PRKCI: variants seen among roughly 807,000 people sequenced by gnomAD.
PRKCI encodes protein kinase C iota.
PRKCI carries 43 observed loss-of-function variants against 84.0 expected under a neutral mutation model. The observed-to-expected ratio is 0.51, with a 90% CI of 0.40 to 0.66. The LOEUF is 0.66. Ranked by LOEUF, PRKCI falls within the 30% of genes least tolerant of loss-of-function variation. The pLI is 0.00. For synonymous variants in PRKCI, 216 were observed against 234.4 expected, an observed-to-expected ratio of 0.92 and a Z score of 0.72; for missense variants, 459 against 745.6, an observed-to-expected ratio of 0.62 and a Z score of 4.48.
chr3:170,231,504 GC>G, intron 1 of PRKCI, among the ~76,000 whole-genome samples: 1 of 150,032 alleles, frequency 6.7e-6, no homozygotes, highest in Non-Finnish European at 1.5e-5. Context: ...TCACTCTGTC[GC>G]CCAGGCTGGA....
chr3:170,303,208 AC>A lies in PRKCI; in HGVS notation c.*83del. 9.6e-7 allele frequency: 1 copy of A among 1,046,052 alleles called. No homozygotes were observed. Among genetic ancestry groups the A allele is most frequent in the Non-Finnish European group, 1.4e-6 (1 of 722,060 alleles). The allele number at this position is 1,046,052 out of a possible 1,614,324, so 64.8% of individuals were successfully genotyped here. On this transcript the variant is annotated 3_prime_UTR_variant, in exon 18 of 18. Coordinates refer to ENST00000295797, the MANE Select transcript of PRKCI (RefSeq NM_002740.6). ...CTTGCTGCAAGCCTGGATACAATTAACCATTTTATATTTGCCACCTACAAAA... is the reference window on the plus strand; with the variant it reads ...CTTGCTGCAAGCCTGGATACAATTAACATTTTATATTTGCCACCTACAAAA...
chr3:170,227,931 G>T (rs900692356), intron 1 of PRKCI, among the ~76,000 whole-genome samples: 1 of 152,124 alleles, frequency 6.6e-6, no homozygotes, highest in Non-Finnish European at 1.5e-5. Flanking sequence ...GTATGGATTC[G>T]GTGGAAATTT....
chr3:170,285,364 C>G (rs1485392401), intron 12 of PRKCI, among the ~76,000 whole-genome samples: 3 of 152,178 alleles, frequency 2.0e-5, no homozygotes, highest in African/African-American at 7.2e-5. Context: ...CAGGCGTGAG[C>G]CATCGCGCCT....
chr3:170,236,980 C>G (rs1034658039), intron 2 of PRKCI, among the ~76,000 whole-genome samples: 1 of 151,358 alleles, frequency 6.6e-6, no homozygotes, highest in African/African-American at 2.4e-5. Context: ...ACATGTGTAA[C>G]AAATGTGATA....
At chr3:170,291,974 A>C (rs532950902) in intron 13 of PRKCI, 33 bp downstream of exon 13, 32 of 1,448,318 alleles carry the variant, frequency 2.2e-5, no homozygotes, top group Non-Finnish European at 2.9e-5. Context: ...TATTTTAGCT[A>C]TTGCTAGATG....
At chr3:170,277,110 G>T (rs79229822) in intron 8 of PRKCI, among the ~76,000 whole-genome samples, 1 of 150,904 alleles carries the variant, frequency 6.6e-6, no homozygotes, top group Non-Finnish European at 1.5e-5. Flanking sequence ...AAATTAGGGC[G>T]TGGTGGCACA....
intron 17 of PRKCI, among the ~76,000 whole-genome samples, chr3:170,300,520 CT>C (rs1734795561): frequency 6.6e-6 from 1 of 151,424 alleles, no homozygotes; most frequent in Admixed American, 6.6e-5. Context: ...ATTTTTCCCC[CT>C]AACTCATGGC....
intron 5 of PRKCI, 140 bp from the exon 6 acceptor site, chr3:170,270,281 A>G: frequency 1.3e-6 from 1 of 771,310 alleles, no homozygotes. Flanking sequence ...TGTATGAGGA[A>G]GCTTTGTTTT....
chr3:170,273,181 C>G, intron 6 of PRKCI, 105 bp from the exon 7 acceptor site: 1 of 922,490 alleles, frequency 1.1e-6, no homozygotes, highest in South Asian at 1.6e-5. Flanking sequence ...AAGTTATATT[C>G]TTTCAAAATT....
At chr3:170,227,818 A>G (rs1732672696) in intron 1 of PRKCI, among the ~76,000 whole-genome samples, 1 of 152,160 alleles carries the variant, frequency 6.6e-6, no homozygotes, top group Non-Finnish European at 1.5e-5. Flanking sequence ...TTAGAAAGAT[A>G]ACACTTGAAA....
intron 2 of PRKCI, among the ~76,000 whole-genome samples, chr3:170,258,018 G>A (rs1265449436): frequency 1.3e-5 from 2 of 151,596 alleles, no homozygotes; most frequent in Admixed American, 1.3e-4. Flanking sequence ...AGAAGAGCTA[G>A]GAAATAGAAG....
At chr3:170,238,116 A>G (rs563795727) in intron 2 of PRKCI, among the ~76,000 whole-genome samples, 421 of 152,238 alleles carry the variant, frequency 2.8e-3, no homozygotes, top group African/African-American at 9.4e-3. Context: ...TAATCCCAGC[A>G]TTTTGGGAGG....
chr3:170,239,227 A>G (rs932420658), intron 2 of PRKCI, among the ~76,000 whole-genome samples: 4 of 152,224 alleles, frequency 2.6e-5, no homozygotes, highest in Non-Finnish European at 5.9e-5. Context: ...CAAATTTTGC[A>G]TTAAGAGGAA....
At chr3:170,241,187 G>A (rs1429220542) in intron 2 of PRKCI, among the ~76,000 whole-genome samples, 1 of 151,990 alleles carries the variant, frequency 6.6e-6, no homozygotes, top group Non-Finnish European at 1.5e-5. Flanking sequence ...ATTTCTTTGT[G>A]GTGAGGACAT....
intron 2 of PRKCI, among the ~76,000 whole-genome samples, chr3:170,252,339 A>AT (rs1733473034): frequency 1.3e-5 from 2 of 151,622 alleles, no homozygotes; most frequent in Non-Finnish European, 2.9e-5. Context: ...TTTTTTGTTA[A>AT]TTTTTTACTT....
At chr3:170,264,546 T>A (rs1401380604) in intron 4 of PRKCI, among the ~76,000 whole-genome samples, 1 of 152,176 alleles carries the variant, frequency 6.6e-6, no homozygotes, top group African/African-American at 2.4e-5. Context: ...CCCAGAGTGC[T>A]GTGATTACAG....
chr3:170,275,407 G>A, intron 8 of PRKCI, 120 bp downstream of exon 8: 1 of 823,906 alleles, frequency 1.2e-6, no homozygotes, highest in Middle Eastern at 2.7e-4. Flanking sequence ...ATGCAAAAAT[G>A]ATTTGTAATG....
chr3:170,259,589 A>C (rs1733673250), intron 2 of PRKCI, among the ~76,000 whole-genome samples: 1 of 152,152 alleles, frequency 6.6e-6, no homozygotes, highest in Non-Finnish European at 1.5e-5. Flanking sequence ...CAGGCGGATC[A>C]CCTGAGGTCA....
chr3:170,304,342 A>G lies in PRKCI; in HGVS notation c.*1215A>G, dbSNP rs371376287. The G allele has an allele frequency of 6.6e-6, 1 of 152,258 alleles. No individual in the cohort carries two copies. The allele number at this position is 152,258 out of a possible 1,614,324, so 9.4% of individuals were successfully genotyped here. A position where few individuals can be genotyped will look rare whatever the true frequency, so the allele number is the denominator to read the frequency against. ...GTGACTTGATTCAAATGAGGCACTC[A>G]TTATTGTTACCAAACTTGTAAAAGC... On this transcript the variant is annotated 3_prime_UTR_variant, in exon 18 of 18. Coordinates refer to ENST00000295797, the MANE Select transcript of PRKCI (RefSeq NM_002740.6).
Sources: allele counts gnomAD v4.1 joint callset (sites outside exome capture counted in the v4.1 genomes callset), GRCh38; gene constraint gnomAD v4.1.1; transcripts MANE v1.5; gene names NCBI Gene and HGNC (gene_info 2026-07-23, HGNC 2026-07-21).